Variants in SLX4IP observed in about 807,000 individuals in gnomAD.
SLX4IP encodes the protein SLX4 interacting protein.
SLX4IP carries 34 observed loss-of-function variants against 32.9 expected under a neutral mutation model. That is an observed-to-expected ratio of 1.03 (90% CI 0.79 to 1.38). The LOEUF (loss-of-function observed/expected upper bound fraction) is 1.38. Among genes scored for constraint, SLX4IP ranks in the 40% most tolerant of loss-of-function variants. SLX4IP has a pLI of 0.00. For missense variants in SLX4IP, 444 were observed against 479.0 expected (o/e 0.93, Z 0.68); for synonymous variants, 172 against 171.7 (o/e 1.00, Z -0.01).
At chr20:10,493,067 G>A (rs903051030) in intron 2 of SLX4IP, among the ~76,000 whole-genome samples, 10 of 152,072 alleles carry the variant, frequency 6.6e-5, no homozygotes, top group Non-Finnish European at 1.3e-4. Flanking sequence ...GCCTCCCACA[G>A]TGCTGTGATT....
At chr20:10,570,592 G>A (rs1005451039) in intron 4 of SLX4IP, among the ~76,000 whole-genome samples, 2 of 150,476 alleles carry the variant, frequency 1.3e-5, no homozygotes, top group Non-Finnish European at 3.0e-5. Context: ...GCAGTGGTAC[G>A]ATCTCAGCTC....
chr20:10,515,247 G>A (rs2122437246), intron 2 of SLX4IP, among the ~76,000 whole-genome samples: 1 of 151,982 alleles, frequency 6.6e-6, no homozygotes, highest in East Asian at 1.9e-4. Flanking sequence ...ACCATGCCCA[G>A]CTAATTTTTA....
At chr20:10,453,325 T>TGTGTGTGTGTGC (rs1432543625) in intron 1 of SLX4IP, among the ~76,000 whole-genome samples, 1 of 152,000 alleles carries the variant, frequency 6.6e-6, no homozygotes, top group Non-Finnish European at 1.5e-5. Context: ...TGTGTGTGTG[T>TGTGTGTGTGTGC]GTGTGTGTAG....
chr20:10,527,212 A>G (rs1364653510), intron 2 of SLX4IP, among the ~76,000 whole-genome samples: 1 of 152,212 alleles, frequency 6.6e-6, no homozygotes, highest in African/African-American at 2.4e-5. Flanking sequence ...CTGCCCCTCA[A>G]AGAGCTCACA....
At chr20:10,452,158 T>G (rs916317894) in intron 1 of SLX4IP, among the ~76,000 whole-genome samples, 6 of 152,198 alleles carry the variant, frequency 3.9e-5, no homozygotes, top group Admixed American at 6.5e-5. Flanking sequence ...AATTATGGTG[T>G]CCTCCTCAAC....
At chr20:10,510,874 G>T (rs1040810731) in intron 2 of SLX4IP, among the ~76,000 whole-genome samples, 1 of 152,202 alleles carries the variant, frequency 6.6e-6, no homozygotes, top group Non-Finnish European at 1.5e-5. Context: ...AAAGTGCTGG[G>T]ATTACAGGCG....
At chr20:10,505,575 C>T (rs1404528204) in intron 2 of SLX4IP, among the ~76,000 whole-genome samples, 1 of 152,202 alleles carries the variant, frequency 6.6e-6, no homozygotes, top group Non-Finnish European at 1.5e-5. Context: ...TCATCTCTCT[C>T]ATGTTTGTAC....
chr20:10,444,036 A>G (rs1033368645), intron 1 of SLX4IP, among the ~76,000 whole-genome samples: 2 of 152,180 alleles, frequency 1.3e-5, no homozygotes, highest in Non-Finnish European at 2.9e-5. Flanking sequence ...TCTTTATAGC[A>G]TTGCAAGAAC....
At chr20:10,536,729 C>T (rs1013534816) in intron 2 of SLX4IP, among the ~76,000 whole-genome samples, 3 of 152,212 alleles carry the variant, frequency 2.0e-5, no homozygotes, top group African/African-American at 7.2e-5. Flanking sequence ...CTTTGGTCAA[C>T]TGTGCTATGC....
intron 4 of SLX4IP, among the ~76,000 whole-genome samples, chr20:10,568,530 T>C (rs541715165): frequency 6.6e-5 from 10 of 152,376 alleles, no homozygotes; most frequent in East Asian, 3.9e-4. Context: ...TCCATCATTC[T>C]GTAAGACTCA....
At chr20:10,451,987 A>C (rs904545821) in intron 1 of SLX4IP, among the ~76,000 whole-genome samples, 2 of 152,156 alleles carry the variant, frequency 1.3e-5, no homozygotes, top group Admixed American at 6.5e-5. Context: ...AAATAAAATA[A>C]AATAGATTAT....
At chr20:10,474,770 G>T (rs946974486) in intron 2 of SLX4IP, among the ~76,000 whole-genome samples, 1 of 152,236 alleles carries the variant, frequency 6.6e-6, no homozygotes, top group African/African-American at 2.4e-5. Flanking sequence ...TCTAATCGGG[G>T]CTGCTGAATC....
At chr20:10,453,348 G>A (rs1389010957) in intron 1 of SLX4IP, among the ~76,000 whole-genome samples, 36 of 120,546 alleles carry the variant, frequency 3.0e-4, no homozygotes, top group Non-Finnish European at 1.3e-4. Context: ...CTTCCTGGAC[G>A]TGCCTCTCCC....
rs58299545 is a variant in SLX4IP, at chr20:10,493,859, C to CTTTTTT, written c.27+35645_27+35650dup. 4.0e-3 allele frequency among the ~76,000 whole-genome samples: 284 copies of CTTTTTT among 70,526 alleles called. 12 individuals carry two copies. The highest frequency in any genetic ancestry group is 7.7e-3 in the African/African-American group (134 of 17,336). 46.3% of individuals were successfully genotyped at this position (70,526 alleles called of 152,430 possible). ...ACTGAAGTGTTTTTTTTATAGTTGC[C>CTTTTTT]TTTTTTTTTTTTTTTTTTTTTTGAG... On this transcript the variant is annotated intron_variant, in intron 2 of 7. Coordinates refer to ENST00000334534, the MANE Select transcript of SLX4IP (RefSeq NM_001009608.3).
chr20:10,550,209 GT>G (rs1432094583), intron 2 of SLX4IP, among the ~76,000 whole-genome samples: 1 of 152,144 alleles, frequency 6.6e-6, no homozygotes, highest in Non-Finnish European at 1.5e-5. Context: ...TTCATCTTAT[GT>G]TTTTACCCTT....
At chr20:10,611,190 C>G (rs879484164) in intron 6 of SLX4IP, among the ~76,000 whole-genome samples, 1 of 152,184 alleles carries the variant, frequency 6.6e-6, no homozygotes, top group African/African-American at 2.4e-5. Flanking sequence ...CACTTTTAAT[C>G]TGCTTTTATT....
At chr20:10,509,842 C>T (rs2065791257) in intron 2 of SLX4IP, among the ~76,000 whole-genome samples, 1 of 152,120 alleles carries the variant, frequency 6.6e-6, no homozygotes, top group South Asian at 2.1e-4. Flanking sequence ...GTGTGTACCA[C>T]CATGCCTAAC....
chr20:10,527,965 C>A (rs1045230040), intron 2 of SLX4IP, among the ~76,000 whole-genome samples: 3 of 152,116 alleles, frequency 2.0e-5, no homozygotes, highest in African/African-American at 7.2e-5. Flanking sequence ...TAACCCCCAG[C>A]CTGTCTTATC....
chr20:10,520,423 C>T (rs987529994), intron 2 of SLX4IP, among the ~76,000 whole-genome samples: 5 of 152,148 alleles, frequency 3.3e-5, no homozygotes, highest in African/African-American at 1.2e-4. Flanking sequence ...ATATTCTGAT[C>T]AGGTATATGA....
Sources: gnomAD v4.1 joint callset for allele counts (sites outside exome capture counted in the v4.1 genomes callset) on GRCh38, gnomAD v4.1.1 for gene constraint, MANE v1.5 for transcripts, NCBI Gene and HGNC (gene_info 2026-07-23, HGNC 2026-07-21) for gene names.